RBFOX3: variants seen among roughly 807,000 people sequenced by gnomAD.
The protein encoded by RBFOX3 is RNA binding protein fox-1 homolog 3.
RBFOX3 carries 17 observed loss-of-function variants against 48.7 expected under a neutral mutation model. The observed-to-expected ratio is 0.35, with a 90% CI of 0.24 to 0.52. The LOEUF is 0.52. RBFOX3 is among the 20% of genes least tolerant of loss of function. The pLI is 0.94. For synonymous variants in RBFOX3, 212 were observed against 209.5 expected (o/e 1.01, Z -0.10); for missense variants, 382 against 497.5 (o/e 0.77, Z 2.21).
chr17:79,555,853 G>GTGA (rs1463843160), intron 1 of RBFOX3, among the ~76,000 whole-genome samples: 1 of 151,868 alleles, frequency 6.6e-6, no homozygotes, highest in Non-Finnish European at 1.5e-5. Context: ...GGTAACGGTG[G>GTGA]TGATGATGAT....
intron 1 of RBFOX3, among the ~76,000 whole-genome samples, chr17:79,543,117 G>A (rs782113653): frequency 1.8e-4 from 28 of 152,176 alleles, no homozygotes; most frequent in Non-Finnish European, 3.1e-4. Flanking sequence ...CCCGGCATAC[G>A]GCAGCTGAAC....
At chr17:79,568,554 C>T (rs2092551004) in intron 1 of RBFOX3, among the ~76,000 whole-genome samples, 1 of 152,136 alleles carries the variant, frequency 6.6e-6, no homozygotes, top group Admixed American at 6.5e-5. Context: ...CTGCTGGTTC[C>T]CCTGACTCCC....
chr17:79,161,856 A>C (rs962678378), intron 4 of RBFOX3, among the ~76,000 whole-genome samples: 1 of 152,024 alleles, frequency 6.6e-6, no homozygotes, highest in Admixed American at 6.6e-5. Flanking sequence ...GCCTCCCAAA[A>C]TGCTGGGATT....
chr17:79,602,625 G>T (rs1351567856), intron 1 of RBFOX3, among the ~76,000 whole-genome samples: 1 of 152,100 alleles, frequency 6.6e-6, no homozygotes, highest in African/African-American at 2.4e-5. Flanking sequence ...TGACATCAAT[G>T]ATAGTCAATA....
chr17:79,185,945 T>A (rs1480479532), intron 4 of RBFOX3, among the ~76,000 whole-genome samples: 1 of 152,214 alleles, frequency 6.6e-6, no homozygotes, highest in African/African-American at 2.4e-5. Flanking sequence ...GACTGCAGCC[T>A]AATGTACTGA....
chr17:79,277,936 C>T lies in RBFOX3; in HGVS notation c.-74+29788G>A, dbSNP rs201296922. 2.6e-5 allele frequency among the ~76,000 whole-genome samples: 4 copies of T among 152,214 alleles called. No individual in the cohort carries two copies. The East Asian group carries it at 5.8e-4, about 22-fold the overall frequency. ...TGGAGAGGGACTTCAGAGTTGCCACCGAAGCAAAATCCCAAGAGCTTTACA... is the reference window on the plus strand; with the variant it reads ...TGGAGAGGGACTTCAGAGTTGCCACTGAAGCAAAATCCCAAGAGCTTTACA... On this transcript the variant is annotated intron_variant, in intron 3 of 14. Transcript: ENST00000693108.
At chr17:79,124,638 G>A (rs1352761038) in intron 4 of RBFOX3, among the ~76,000 whole-genome samples, 1 of 118,378 alleles carries the variant, frequency 8.4e-6, no homozygotes, top group Non-Finnish European at 1.7e-5. Context: ...TCGGGTGTGG[G>A]GGCAGAGGGA....
At chr17:79,261,667 C>T (rs1286419228) in intron 3 of RBFOX3, among the ~76,000 whole-genome samples, 3 of 152,240 alleles carry the variant, frequency 2.0e-5, no homozygotes, top group Non-Finnish European at 2.9e-5. Flanking sequence ...CAGGGGCCAC[C>T]GTCTGAGCAG....
At position 79,418,746 on chromosome 17, in the gene RBFOX3, AG is replaced by A. The variant is rs1461792455; in HGVS notation, c.-175+63707del. 2.0e-5 allele frequency among the ~76,000 whole-genome samples: 3 copies of A among 152,206 alleles called. No individual in the cohort carries two copies. The highest frequency in any genetic ancestry group is 2.9e-5 in the Non-Finnish European group (2 of 68,008). ...CTCTCCTTAGACTTGCTGCTTGAGA[AG>A]GAGGTTTGGGAGAGGAATTCCTTCC... On this transcript the variant is annotated intron_variant, in intron 2 of 14. Coordinates refer to ENST00000693108, the MANE Select transcript of RBFOX3 (RefSeq NM_001350451.2). This position sits in a 1 kb window ranked among gnomAD's most constrained non-coding sequence, Gnocchi z 5.0.
chr17:79,310,625 C>T (rs1300135873), intron 2 of RBFOX3, among the ~76,000 whole-genome samples: 1 of 152,178 alleles, frequency 6.6e-6, no homozygotes, highest in Non-Finnish European at 1.5e-5. Flanking sequence ...CCTGCAGGCT[C>T]ACAGAGGAGA....
At chr17:79,110,833 A>G (rs2031044824) in intron 5 of RBFOX3, among the ~76,000 whole-genome samples, 1 of 151,036 alleles carries the variant, frequency 6.6e-6, no homozygotes, top group Admixed American at 6.6e-5. Context: ...CGCCTCATCC[A>G]CTCCCACCTC....
chr17:79,491,164 GA>G (rs2080554236), intron 1 of RBFOX3, among the ~76,000 whole-genome samples: 1 of 44,948 alleles, frequency 2.2e-5, no homozygotes, highest in African/African-American at 1.1e-4. Flanking sequence ...GAGGGGAGGG[GA>G]GGGGAGGAGA....
chr17:79,399,476 G>C (rs549793988), intron 2 of RBFOX3, among the ~76,000 whole-genome samples: 4 of 151,424 alleles, frequency 2.6e-5, no homozygotes, highest in African/African-American at 7.2e-5. Flanking sequence ...GGAGGGCAGG[G>C]ATGGTTTTTT....
chr17:79,336,297 G>A (rs1272377800), intron 2 of RBFOX3, among the ~76,000 whole-genome samples: 1 of 152,052 alleles, frequency 6.6e-6, no homozygotes, highest in East Asian at 1.9e-4. Context: ...TGAGGCAGGA[G>A]AATCACTTGA....
At chr17:79,181,360 C>T (rs1397961540) in intron 4 of RBFOX3, among the ~76,000 whole-genome samples, 2 of 152,252 alleles carry the variant, frequency 1.3e-5, no homozygotes, top group African/African-American at 4.8e-5. Context: ...CCTGGCCACC[C>T]CAGAGATTCC....
upstream of RBFOX3, among the ~76,000 whole-genome samples, chr17:79,613,576 G>A (rs1331501141): frequency 6.6e-6 from 1 of 152,230 alleles, no homozygotes; most frequent in Non-Finnish European, 1.5e-5. Context: ...ATAATCATTA[G>A]GAGAGAAACA....
intron 3 of RBFOX3, among the ~76,000 whole-genome samples, chr17:79,276,578 G>A (rs898794917): frequency 6.6e-5 from 10 of 152,048 alleles, no homozygotes; most frequent in Non-Finnish European, 8.8e-5. Context: ...CCAGCTGCTC[G>A]GGAGGCTGAC....
intron 4 of RBFOX3, among the ~76,000 whole-genome samples, chr17:79,211,759 T>G (rs1435006821): frequency 5.3e-5 from 8 of 152,192 alleles, no homozygotes; most frequent in Non-Finnish European, 1.2e-4. Flanking sequence ...CACTGCTGGT[T>G]GGGGCATTTC....
the RBFOX3 span, among the ~76,000 whole-genome samples, chr17:79,653,320 C>T: frequency 6.6e-6 from 1 of 152,126 alleles, no homozygotes; most frequent in East Asian, 1.9e-4. Context: ...GGACAACTTC[C>T]CCAGGCAGAA....
Sources: gnomAD v4.1 joint callset for allele counts (sites outside exome capture counted in the v4.1 genomes callset) on GRCh38, gnomAD v4.1.1 for gene constraint, Gnocchi (gnomAD v3.1) non-coding constraint, MANE v1.5 for transcripts, NCBI Gene and HGNC (gene_info 2026-07-23, HGNC 2026-07-21) for gene names.